Variants in SRD5A1 observed in about 807,000 individuals in gnomAD.
SRD5A1 encodes the protein steroid 5 alpha-reductase 1.
A neutral mutation model predicts 28.2 loss-of-function variants in SRD5A1; 22 were observed. The ratio of observed to expected loss-of-function variants is 0.78; its 90% CI spans 0.56 to 1.12. The LOEUF (loss-of-function observed/expected upper bound fraction) is 1.12. Ranked by LOEUF, SRD5A1 falls within the 50% of genes most tolerant of loss-of-function variation. SRD5A1 has a pLI of 0.00. For missense variants in SRD5A1, 300 were observed against 346.7 expected, an observed-to-expected ratio of 0.87 and a Z score of 1.07; for synonymous variants, 151 against 135.0, an observed-to-expected ratio of 1.12 and a Z score of -0.82.
chr5:6,664,162 A>C (rs541587726), intron 4 of SRD5A1, among the ~76,000 whole-genome samples: 2 of 152,268 alleles, frequency 1.3e-5, no homozygotes, highest in East Asian at 1.9e-4. Flanking sequence ...CAAAACATCT[A>C]ATCGAAATCT....
chr5:6,659,886 G>A (rs569675319), intron 3 of SRD5A1, among the ~76,000 whole-genome samples: 1 of 152,296 alleles, frequency 6.6e-6, no homozygotes, highest in Non-Finnish European at 1.5e-5. Flanking sequence ...TTTGTGACCA[G>A]CTCCCTTCGC....
intron 2 of SRD5A1, among the ~76,000 whole-genome samples, chr5:6,653,257 T>A (rs1738731974): frequency 6.6e-6 from 1 of 152,196 alleles, no homozygotes; most frequent in African/African-American, 2.4e-5. Context: ...GTGAGACACC[T>A]GTCCCTCCTC....
chr5:6,662,535 A>G (rs1739038228), intron 3 of SRD5A1, among the ~76,000 whole-genome samples: 1 of 152,176 alleles, frequency 6.6e-6, no homozygotes, highest in African/African-American at 2.4e-5. Flanking sequence ...TGCATGATCC[A>G]TCAGCAGGTG....
At chr5:6,666,564 C>T (rs895799823) in intron 4 of SRD5A1, among the ~76,000 whole-genome samples, 2 of 152,190 alleles carry the variant, frequency 1.3e-5, no homozygotes, top group Non-Finnish European at 2.9e-5. Context: ...AGGTCAGAAA[C>T]AGTCAACTGT....
At chr5:6,652,981 G>T (rs1295246145) in intron 2 of SRD5A1, among the ~76,000 whole-genome samples, 1 of 151,790 alleles carries the variant, frequency 6.6e-6, no homozygotes, top group African/African-American at 2.4e-5. Context: ...CTGAGGTGTT[G>T]CTTACAATGG....
intron 1 of SRD5A1, among the ~76,000 whole-genome samples, chr5:6,650,962 T>C (rs1738654675): frequency 1.3e-5 from 2 of 152,042 alleles, no homozygotes; most frequent in Non-Finnish European, 2.9e-5. Flanking sequence ...CGATTTACAT[T>C]TAAGCTCAGC....
intron 1 of SRD5A1, among the ~76,000 whole-genome samples, chr5:6,640,715 A>G (rs893748609): frequency 2.6e-5 from 4 of 152,214 alleles, no homozygotes; most frequent in African/African-American, 9.7e-5. Context: ...ATAACATGAC[A>G]GAGAACAAAG....
chr5:6,668,443 G>A lies in SRD5A1; in HGVS notation c.*175G>A, dbSNP rs993317206. 8 of 464,720 alleles carry A rather than the reference G, an allele frequency of 1.7e-5. No individual in the cohort carries two copies. The highest frequency in any genetic ancestry group is 5.8e-4 in the Middle Eastern group (1 of 1,734). The allele number at this position is 464,720 out of a possible 1,614,324, so 28.8% of individuals were successfully genotyped here. On this transcript the variant is annotated 3_prime_UTR_variant, in exon 5 of 5. Transcript: ENST00000274192. Reference sequence around the variant, plus strand: ...ATCTACCTAATAAGTACCTAAATACGCTGAAATGGAGGTTGAATATCCTAC... The same window carrying A: ...ATCTACCTAATAAGTACCTAAATACACTGAAATGGAGGTTGAATATCCTAC...
chr5:6,639,900 A>T (rs971035325), intron 1 of SRD5A1, among the ~76,000 whole-genome samples: 2 of 152,234 alleles, frequency 1.3e-5, no homozygotes, highest in African/African-American at 4.8e-5. Context: ...ATATTGTGGT[A>T]TTATCTTTTT....
chr5:6,633,580 G>A lies in SRD5A1; in HGVS notation c.4G>A (p.Ala2Thr), dbSNP rs1738050238. Reference sequence around the variant, plus strand: ...AGCACGCTGCCCAGCCCTGGCGATGGCAACGGCGACGGGGGTGGCGGAGGA... The same window carrying A: ...AGCACGCTGCCCAGCCCTGGCGATGACAACGGCGACGGGGGTGGCGGAGGA... M[A>T]TATGVAEERL... The change falls in exon 1 of 5, where the codon GCA (alanine) becomes ACA (threonine). Residue 2 changes from alanine (A) to threonine (T), a missense_variant. Ala to Thr is a moderately conservative substitution (Grantham distance 58). Around this residue, in one of 2 missense-constraint regions of SRD5A1, gnomAD observed 174 missense variants for 160.9 expected, o/e 1.08. Coordinates refer to ENST00000274192, the MANE Select transcript of SRD5A1 (RefSeq NM_001047.4). 1 of 1,517,782 alleles carries A rather than the reference G, an allele frequency of 6.6e-7. No individual in the cohort carries two copies. Among genetic ancestry groups the A allele is most frequent in the East Asian group, 2.6e-5 (1 of 38,834 alleles). The allele number at this position is 1,517,782 out of a possible 1,614,324, so 94.0% of individuals were successfully genotyped here. A position where few individuals can be genotyped will look rare whatever the true frequency, so the allele number is the denominator to read the frequency against.
At chr5:6,652,285 C>T (rs2126539053) in intron 2 of SRD5A1, among the ~76,000 whole-genome samples, 1 of 152,280 alleles carries the variant, frequency 6.6e-6, no homozygotes, top group South Asian at 2.1e-4. Flanking sequence ...TGGGCTGTAG[C>T]AGAATGAGCA....
rs1029320753 is a variant in SRD5A1, at chr5:6,673,915, C to A, written c.*5647C>A. 5 of 151,918 alleles carry A rather than the reference C, an allele frequency of 3.3e-5. No homozygotes were observed. The highest frequency in any genetic ancestry group is 2.9e-5 in the Non-Finnish European group (2 of 68,006). The allele number at this position is 151,918 out of a possible 1,614,324, so 9.4% of individuals were successfully genotyped here. A position where few individuals can be genotyped will look rare whatever the true frequency, so the allele number is the denominator to read the frequency against. ...GTATAACATTCTGAAAAAGGCACAACTATGGAGACAATAAAAAGAACAGAG... is the reference window on the plus strand; with the variant it reads ...GTATAACATTCTGAAAAAGGCACAAATATGGAGACAATAAAAAGAACAGAG... On this transcript the variant is annotated 3_prime_UTR_variant, in exon 5 of 5. Coordinates refer to ENST00000274192, the MANE Select transcript of SRD5A1 (RefSeq NM_001047.4).
At chr5:6,657,152 A>G (rs930380666) in intron 3 of SRD5A1, among the ~76,000 whole-genome samples, 2 of 152,246 alleles carry the variant, frequency 1.3e-5, no homozygotes, top group African/African-American at 4.8e-5. Context: ...TAGAAACCAT[A>G]TGAGAATAGC....
chr5:6,659,884 C>T (rs186581249), intron 3 of SRD5A1, among the ~76,000 whole-genome samples: 13 of 152,192 alleles, frequency 8.5e-5, no homozygotes, highest in African/African-American at 2.9e-4. Context: ...GCTTTGTGAC[C>T]AGCTCCCTTC....
intron 1 of SRD5A1, among the ~76,000 whole-genome samples, chr5:6,635,415 C>T (rs1738154167): frequency 1.3e-5 from 2 of 152,096 alleles, no homozygotes; most frequent in African/African-American, 4.8e-5. Context: ...AGCTGTATGT[C>T]TGTTTCTTTA....
chr5:6,634,124 A>C (rs2126519789), intron 1 of SRD5A1, among the ~76,000 whole-genome samples: 1 of 152,350 alleles, frequency 6.6e-6, no homozygotes, highest in South Asian at 2.1e-4. Flanking sequence ...ATGGAAAAAA[A>C]CATGATGAAA....
intron 1 of SRD5A1, among the ~76,000 whole-genome samples, chr5:6,650,917 G>A (rs1304715628): frequency 6.6e-6 from 1 of 151,236 alleles, no homozygotes; most frequent in Non-Finnish European, 1.5e-5. Flanking sequence ...TCTTGTGATA[G>A]TTTACTGAGA....
At chr5:6,657,820 T>G (rs74815823) in intron 3 of SRD5A1, among the ~76,000 whole-genome samples, 1,674 of 152,104 alleles carry the variant, frequency 0.011, 32 homozygotes, top group African/African-American at 0.038. Flanking sequence ...CACAAAAACT[T>G]TTCAGCCCCT....
intron 4 of SRD5A1, among the ~76,000 whole-genome samples, chr5:6,664,086 G>A (rs8192224): frequency 0.018 from 2,715 of 152,194 alleles, 36 homozygotes; most frequent in Non-Finnish European, 0.027. Context: ...TGGAGACTGG[G>A]CTTAGCAAGC....
Sources: gnomAD v4.1 joint callset for allele counts (sites outside exome capture counted in the v4.1 genomes callset) on GRCh38, gnomAD v4.1.1 for gene constraint, gnomAD v4.1.1 regional missense constraint, MANE v1.5 for transcripts, NCBI Gene and HGNC (gene_info 2026-07-23, HGNC 2026-07-21) for gene names.